The following ATG7 variants were observed in gnomAD, a reference collection of about 807,000 sequenced individuals.
ATG7 encodes the protein ubiquitin-like modifier-activating enzyme ATG7.
ATG7 carries 70 observed loss-of-function variants against 82.4 expected under a neutral mutation model. The ratio of observed to expected loss-of-function variants is 0.85; its 90% CI spans 0.70 to 1.04. The LOEUF (loss-of-function observed/expected upper bound fraction) is 1.04. Among genes scored for constraint, ATG7 ranks in the 50% least tolerant of loss-of-function variants. The pLI, the probability that ATG7 is intolerant of heterozygous loss-of-function variation, is 0.00. For synonymous variants in ATG7, 287 were observed against 313.0 expected, an observed-to-expected ratio of 0.92 and a Z score of 0.88; for missense variants, 792 against 864.3, an observed-to-expected ratio of 0.92 and a Z score of 1.05.
In ATG7 at chr3:11,555,033, A is replaced by G. The variant is rs949389178; in HGVS notation, c.*190A>G. ...GTTGCTCGGGATTCAAGATACCACC[A>G]GTTCAGAGCTAAATAATAACCTTGG... is the stretch of plus-strand genomic sequence containing the variant. On this transcript the variant is annotated 3_prime_UTR_variant, in exon 21 of 21. Coordinates refer to ENST00000693202, the MANE Select transcript of ATG7 (RefSeq NM_001349232.2). The G allele has an allele frequency of 1.5e-6, 1 of 649,858 alleles. No individual in the cohort carries two copies. Among genetic ancestry groups the G allele is most frequent in the African/African-American group, 1.9e-5 (1 of 54,002 alleles). 40.3% of individuals were successfully genotyped at this position (649,858 alleles called of 1,614,324 possible). A position where few individuals can be genotyped will look rare whatever the true frequency, so the allele number is the denominator to read the frequency against.
At chr3:11,572,461 C>G in the ATG7 span, among the ~76,000 whole-genome samples, 1 of 152,224 alleles carries the variant, frequency 6.6e-6, no homozygotes, top group Non-Finnish European at 1.5e-5. Context: ...CGGGCCTTTT[C>G]TTTCCTCTGG....
chr3:11,329,812 A>G (rs534054066), intron 9 of ATG7, among the ~76,000 whole-genome samples: 1 of 152,320 alleles, frequency 6.6e-6, no homozygotes, highest in South Asian at 2.1e-4. Context: ...TTACATTACT[A>G]TTAACTCAGC....
intron 19 of ATG7, among the ~76,000 whole-genome samples, chr3:11,385,219 G>A (rs1297900385): frequency 6.6e-6 from 1 of 152,042 alleles, no homozygotes; most frequent in Non-Finnish European, 1.5e-5. Context: ...CAGTAGAGAC[G>A]GGGTTTCACC....
chr3:11,311,718 A>G (rs1268987462), intron 7 of ATG7, among the ~76,000 whole-genome samples: 2 of 151,876 alleles, frequency 1.3e-5, no homozygotes, highest in African/African-American at 4.8e-5. Flanking sequence ...TAATCTCTGG[A>G]GGTGTTTTTG....
rs575441472 is a variant in ATG7, at chr3:11,406,956, G to A, written c.1957-19848G>A. ...TCTGGCCCCGTCCCTCTCAAATTTC[G>A]TATCTTCACATTTCAAAACCAATCA... On this transcript the variant is annotated intron_variant, in intron 19 of 20. Transcript: ENST00000693202. Among the ~76,000 whole-genome samples the A allele has an allele frequency of 6.6e-5, 10 of 152,212 alleles. No individual in the cohort carries two copies. The South Asian group carries it at 8.3e-4, about 13-fold the overall frequency.
At chr3:11,566,170 ACAATGTTACG>A in the ATG7 span, among the ~76,000 whole-genome samples, 8 of 152,306 alleles carry the variant, frequency 5.3e-5, no homozygotes, top group Non-Finnish European at 1.0e-4. Flanking sequence ...TGTTACACAC[ACAATGTTACG>A]CATGCACACA....
At chr3:11,400,851 T>A (rs547937061) in intron 19 of ATG7, among the ~76,000 whole-genome samples, 1 of 152,338 alleles carries the variant, frequency 6.6e-6, no homozygotes, top group South Asian at 2.1e-4. Flanking sequence ...AGGGTAATAA[T>A]TTTCTTAGTG....
chr3:11,342,350 A>G, intron 13 of ATG7, 71 bp downstream of exon 13: 10 of 1,503,568 alleles, frequency 6.7e-6, no homozygotes, highest in East Asian at 2.4e-5. Flanking sequence ...TACTCTCATG[A>G]TTGCCTTCCA....
intron 20 of ATG7, among the ~76,000 whole-genome samples, chr3:11,435,013 T>G (rs1193502938): frequency 1.3e-5 from 2 of 152,116 alleles, no homozygotes; most frequent in East Asian, 3.8e-4. Context: ...TAAGCCTCCT[T>G]TCTAGAAAAA....
chr3:11,441,517 C>T (rs952029584), intron 20 of ATG7, among the ~76,000 whole-genome samples: 1 of 152,074 alleles, frequency 6.6e-6, no homozygotes, highest in African/African-American at 2.4e-5. Context: ...GCTGGGATTA[C>T]AGGCGTGAGT....
At chr3:11,387,789 T>G (rs995028938) in intron 19 of ATG7, among the ~76,000 whole-genome samples, 1 of 152,024 alleles carries the variant, frequency 6.6e-6, no homozygotes, top group African/African-American at 2.4e-5. Context: ...GCTAACACGG[T>G]GAAACACTGT....
intron 20 of ATG7, among the ~76,000 whole-genome samples, chr3:11,472,567 G>C (rs895923014): frequency 4.6e-5 from 7 of 152,112 alleles, no homozygotes; most frequent in Admixed American, 2.0e-4. Flanking sequence ...TAGAAAACCG[G>C]TGAGTTTATC....
intron 20 of ATG7, among the ~76,000 whole-genome samples, chr3:11,499,483 C>T (rs368833660): frequency 6.6e-6 from 1 of 152,276 alleles, no homozygotes; most frequent in African/African-American, 2.4e-5. Context: ...CAGTGGCTCA[C>T]GCCTGCAATC....
At chr3:11,497,445 A>G (rs2090940220) in intron 20 of ATG7, among the ~76,000 whole-genome samples, 1 of 131,334 alleles carries the variant, frequency 7.6e-6, no homozygotes. Context: ...AGGAGGCAGG[A>G]GAATTGCTTG....
chr3:11,281,841 C>G (rs1302072371), intron 2 of ATG7, among the ~76,000 whole-genome samples: 2 of 151,648 alleles, frequency 1.3e-5, no homozygotes, highest in African/African-American at 4.8e-5. Flanking sequence ...GGAAATCAGG[C>G]CTTTGCTTGG....
At chr3:11,291,894 G>A (rs1945035527) in intron 3 of ATG7, among the ~76,000 whole-genome samples, 1 of 152,192 alleles carries the variant, frequency 6.6e-6, no homozygotes, top group African/African-American at 2.4e-5. Context: ...AAACTAGCAG[G>A]CTAAGGCTGC....
At chr3:11,414,317 C>T (rs1026458116) in intron 19 of ATG7, among the ~76,000 whole-genome samples, 10 of 152,194 alleles carry the variant, frequency 6.6e-5, no homozygotes, top group African/African-American at 1.7e-4. Context: ...CCACCCACCT[C>T]GGCCTCCCAC....
At chr3:11,336,768 G>T (rs778328673) in intron 11 of ATG7, among the ~76,000 whole-genome samples, 2 of 152,076 alleles carry the variant, frequency 1.3e-5, no homozygotes, top group Non-Finnish European at 2.9e-5. Context: ...GACCTCCCAG[G>T]CTCAAACCAT....
chr3:11,405,669 C>T (rs1026898206), intron 19 of ATG7, among the ~76,000 whole-genome samples: 1 of 152,072 alleles, frequency 6.6e-6, no homozygotes. Context: ...ACTCTGTCGT[C>T]CAGGCTGGAG....
Sources: gnomAD v4.1 joint callset for allele counts (sites outside exome capture counted in the v4.1 genomes callset) on GRCh38, gnomAD v4.1.1 for gene constraint, MANE v1.5 for transcripts, NCBI Gene and HGNC (gene_info 2026-07-23, HGNC 2026-07-21) for gene names.